Variants in SERINC5 observed in about 807,000 individuals in gnomAD.
The protein encoded by SERINC5 is serine incorporator 5.
Under a neutral mutation model 63.1 loss-of-function variants are expected in SERINC5, and 41 were observed. The observed-to-expected ratio is 0.65, with a 90% CI of 0.51 to 0.84. The LOEUF is 0.84. Ranked by LOEUF, SERINC5 falls within the 40% of genes least tolerant of loss-of-function variation. The pLI is 0.00. For missense variants in SERINC5, 523 were observed against 573.0 expected, an observed-to-expected ratio of 0.91 and a Z score of 0.89; for synonymous variants, 222 against 215.2, an observed-to-expected ratio of 1.03 and a Z score of -0.28.
At chr5:80,189,041 T>C (rs941142598) in intron 2 of SERINC5, among the ~76,000 whole-genome samples, 6 of 152,210 alleles carry the variant, frequency 3.9e-5, no homozygotes, top group Admixed American at 2.0e-4. Context: ...TTATAAATAA[T>C]GTACAATGGA....
At position 80,175,038 on chromosome 5, in the gene SERINC5, T is replaced by C; in HGVS notation, c.467A>G (p.Tyr156Cys). The C allele has an allele frequency of 6.3e-7, 1 of 1,592,840 alleles. No homozygotes were observed. The highest frequency in any genetic ancestry group is 8.6e-7 in the Non-Finnish European group (1 of 1,169,054). Residue 156 changes from tyrosine (Y) to cysteine (C), a missense_variant, in exon 5 of 12, where the codon TAT becomes TGT. Transcript: ENST00000507668. ...DQDTFLNAWR[Y>C]VGAVGGFLFI... is the part of the protein sequence containing the mutation. ...GAGGAAGCCTCCGACGGCTCCCACATAGCGCCAGGCTGCAAAAGACCATGA... is the reference window on the plus strand; with the variant it reads ...GAGGAAGCCTCCGACGGCTCCCACACAGCGCCAGGCTGCAAAAGACCATGA...
intron 11 of SERINC5, among the ~76,000 whole-genome samples, chr5:80,130,680 G>A (rs1744911262): frequency 6.6e-6 from 1 of 152,216 alleles, no homozygotes; most frequent in South Asian, 2.1e-4. Context: ...ATAGAGTTTA[G>A]ACATTTCAAT....
chr5:80,177,288 C>G (rs1259113998), intron 4 of SERINC5, 27 bp downstream of exon 4: 1 of 1,535,614 alleles, frequency 6.5e-7, no homozygotes, highest in South Asian at 1.2e-5. Context: ...ACAAAATAAA[C>G]AGATACCCAA....
chr5:80,146,638 T>C (rs941320948), intron 10 of SERINC5, among the ~76,000 whole-genome samples: 1 of 152,126 alleles, frequency 6.6e-6, no homozygotes, highest in Non-Finnish European at 1.5e-5. Flanking sequence ...TGTTTTTTAG[T>C]AGAGACAGGG....
intron 2 of SERINC5, among the ~76,000 whole-genome samples, chr5:80,188,076 A>G (rs954569139): frequency 6.6e-6 from 1 of 152,214 alleles, no homozygotes; most frequent in Middle Eastern, 3.4e-3. Context: ...TGAGGTCAGG[A>G]GTTCGAGACC....
rs116691179 is a variant in SERINC5 at position 80,146,107 on chromosome 5, G to C, written c.1221C>G (p.Thr407=). ...CCACTCACTTGAACCAGTTGGTGACGGTCATCATCACATACAGGGAAGCTA... is the reference window on the plus strand; with the variant it reads ...CCACTCACTTGAACCAGTTGGTGACCGTCATCATCACATACAGGGAAGCTA... The part of the protein sequence containing the change: ...FFLASLYVMM[T]VTNWFNYESA... Residue 407 remains threonine, a synonymous_variant, in exon 11 of 12, where the codon ACC becomes ACG. Transcript: ENST00000507668. 3 of 1,613,996 alleles carry C rather than the reference G, an allele frequency of 1.9e-6. No homozygotes were observed. The Admixed American group carries it at 5.0e-5, about 27-fold the overall frequency.
At chr5:80,200,946 A>C (rs1165371086) in intron 2 of SERINC5, among the ~76,000 whole-genome samples, 1 of 151,520 alleles carries the variant, frequency 6.6e-6, no homozygotes, top group East Asian at 1.9e-4. Context: ...AAAGATACGA[A>C]AATTTAGCCA....
intron 11 of SERINC5, among the ~76,000 whole-genome samples, chr5:80,117,340 T>A (rs1266821458): frequency 1.3e-5 from 2 of 152,046 alleles, no homozygotes; most frequent in Admixed American, 1.3e-4. Flanking sequence ...GGCACCTACC[T>A]CATAGAATTA....
At chr5:80,199,227 G>C (rs771627449) in intron 2 of SERINC5, among the ~76,000 whole-genome samples, 9 of 152,116 alleles carry the variant, frequency 5.9e-5, no homozygotes, top group Middle Eastern at 3.2e-3. Flanking sequence ...AACATATTCA[G>C]ACCAGATTCA....
chr5:80,117,680 C>T (rs1156466465), intron 11 of SERINC5, among the ~76,000 whole-genome samples: 2 of 144,100 alleles, frequency 1.4e-5, no homozygotes, highest in African/African-American at 5.1e-5. Flanking sequence ...CAGTGATTTA[C>T]AACACAGAAA....
At chr5:80,196,095 T>C (rs1453784914) in intron 2 of SERINC5, among the ~76,000 whole-genome samples, 1 of 152,078 alleles carries the variant, frequency 6.6e-6, no homozygotes, top group Non-Finnish European at 1.5e-5. Context: ...TTTTATGACC[T>C]GTCTGGGGAA....
In SERINC5 at chr5:80,141,012, G is replaced by A. The variant is rs1272774960; in HGVS notation, c.*2651C>T. ...CAAAGCCATTGGCACAATGTTTCCAGTTTCTCAAATCACAATTGCACAAAA... is the reference window on the plus strand; with the variant it reads ...CAAAGCCATTGGCACAATGTTTCCAATTTCTCAAATCACAATTGCACAAAA... On this transcript the variant is annotated 3_prime_UTR_variant, in exon 12 of 12. Transcript: ENST00000507668. 2 of 985,248 alleles carry A rather than the reference G, an allele frequency of 2.0e-6. No individual in the cohort carries two copies. Among genetic ancestry groups the A allele is most frequent in the Non-Finnish European group, 2.4e-6 (2 of 829,898 alleles). 61.0% of individuals were successfully genotyped at this position (985,248 alleles called of 1,614,324 possible). A position where few individuals can be genotyped will look rare whatever the true frequency, so the allele number is the denominator to read the frequency against.
chr5:80,250,465 C>T (rs1752359178), intron 1 of SERINC5, among the ~76,000 whole-genome samples: 1 of 152,226 alleles, frequency 6.6e-6, no homozygotes, highest in Non-Finnish European at 1.5e-5. Context: ...CCTCAGCCTC[C>T]TGAGTAGCTG....
intron 1 of SERINC5, among the ~76,000 whole-genome samples, chr5:80,210,766 G>A (rs1237913036): frequency 2.0e-5 from 3 of 152,192 alleles, no homozygotes; most frequent in African/African-American, 7.2e-5. Flanking sequence ...GAGAACCAGA[G>A]AACCTGGACT....
Position 80,187,619 on chromosome 5 carries a change from A to G in SERINC5, c.196-9555T>C, listed in dbSNP as rs150070822. On this transcript the variant is annotated intron_variant, in intron 2 of 11. Transcript: ENST00000507668. ...CCTTTGGGGGATCTGGGGCTATTTA[A>G]TAAACAATAACAACAACCAGTACTG... 2.2e-3 allele frequency among the ~76,000 whole-genome samples: 332 copies of G among 152,362 alleles called. 4 individuals carry two copies. Among genetic ancestry groups the G allele is most frequent in the African/African-American group, 6.8e-3 (284 of 41,590 alleles).
At chr5:80,244,459 G>A (rs147329139) in intron 1 of SERINC5, among the ~76,000 whole-genome samples, 2 of 151,786 alleles carry the variant, frequency 1.3e-5, no homozygotes, top group African/African-American at 4.8e-5. Context: ...CAAGTGATAC[G>A]CTGCCTCAGC....
At chr5:80,205,774 A>G (rs1750123649) in intron 1 of SERINC5, among the ~76,000 whole-genome samples, 1 of 151,982 alleles carries the variant, frequency 6.6e-6, no homozygotes, top group South Asian at 2.1e-4. Context: ...ATCCTTTAAA[A>G]ACTCAAGACT....
At chr5:80,176,047 T>C (rs1173383248) in intron 4 of SERINC5, among the ~76,000 whole-genome samples, 3 of 151,276 alleles carry the variant, frequency 2.0e-5, no homozygotes, top group Non-Finnish European at 4.4e-5. Context: ...GGCGTGGTGG[T>C]GCGTGCCTAT....
At chr5:80,135,723 G>A (rs1204190721), downstream of SERINC5, among the ~76,000 whole-genome samples, 2 of 151,920 alleles carry the variant, frequency 1.3e-5, no homozygotes, top group Admixed American at 6.6e-5. Flanking sequence ...TTATTGTGGC[G>A]AGTTCAAGTG....
Sources: gnomAD v4.1 joint callset for allele counts (sites outside exome capture counted in the v4.1 genomes callset) on GRCh38, gnomAD v4.1.1 for gene constraint, MANE v1.5 for transcripts, NCBI Gene and HGNC (gene_info 2026-07-23, HGNC 2026-07-21) for gene names.